CHSY3: variants seen among roughly 807,000 people sequenced by gnomAD.
CHSY3 encodes N-acetylgalactosaminyl-proteoglycan 3-beta-glucuronosyltransferase 3.
Under a neutral mutation model 67.2 loss-of-function variants are expected in CHSY3, and 35 were observed. The observed-to-expected ratio is 0.52, with a 90% confidence interval of 0.40 to 0.69. CHSY3 has a LOEUF of 0.69. CHSY3 is among the 30% of genes least tolerant of loss of function. The probability of loss-of-function intolerance (pLI) is 0.00; values close to 1 mark genes in which losing one functional copy is unlikely to be tolerated. For missense variants in CHSY3, 1,069 were observed against 1,138.5 expected (o/e 0.94, Z 0.88); for synonymous variants, 474 against 434.7 (o/e 1.09, Z -1.12).
rs1004167032 is a variant in CHSY3, at chr5:130,125,762, G to A, written c.1087-58467G>A. 2.4e-4 allele frequency among the ~76,000 whole-genome samples: 36 copies of A among 152,324 alleles called. 1 individual carries two copies. Among genetic ancestry groups the A allele is most frequent in the African/African-American group, 8.4e-4 (35 of 41,580 alleles). ...GATGGTGGCAAAACCGAAAGCAAAAGAGGTAAGTGATCCCAGAAAGCTGCT... is the reference window on the plus strand; with the variant it reads ...GATGGTGGCAAAACCGAAAGCAAAAAAGGTAAGTGATCCCAGAAAGCTGCT... On this transcript the variant is annotated intron_variant, in intron 2 of 2. Coordinates refer to ENST00000305031, the MANE Select transcript of CHSY3 (RefSeq NM_175856.5).
chr5:130,178,201 T>TTA (rs141612012), intron 2 of CHSY3, among the ~76,000 whole-genome samples: 1 of 113,934 alleles, frequency 8.8e-6, no homozygotes, highest in African/African-American at 3.6e-5. Flanking sequence ...ATATATATAT[T>TTA]TATATATATA....
At chr5:129,957,386 A>G (rs931545498) in intron 2 of CHSY3, among the ~76,000 whole-genome samples, 8 of 151,994 alleles carry the variant, frequency 5.3e-5, no homozygotes, top group African/African-American at 1.9e-4. Context: ...GGTTTTCTAG[A>G]TATGGAATTA....
At chr5:129,992,824 A>G (rs1325430589) in intron 2 of CHSY3, among the ~76,000 whole-genome samples, 1 of 152,188 alleles carries the variant, frequency 6.6e-6, no homozygotes, top group Non-Finnish European at 1.5e-5. Context: ...GTTTGAGGCA[A>G]TTTCCTTGCA....
chr5:129,968,216 T>C (rs1308243388), intron 2 of CHSY3, among the ~76,000 whole-genome samples: 1 of 151,818 alleles, frequency 6.6e-6, no homozygotes, highest in African/African-American at 2.4e-5. Flanking sequence ...CATCGATAAA[T>C]CCACACATAA....
chr5:130,014,737 C>G (rs906718310), intron 2 of CHSY3, among the ~76,000 whole-genome samples: 7 of 152,070 alleles, frequency 4.6e-5, no homozygotes, highest in African/African-American at 1.4e-4. Context: ...AATGAAAGAC[C>G]TAAAGCTTTA....
chr5:130,143,065 C>T (rs1768917543), intron 2 of CHSY3, among the ~76,000 whole-genome samples: 1 of 152,140 alleles, frequency 6.6e-6, no homozygotes, highest in Non-Finnish European at 1.5e-5. Flanking sequence ...CACCATAGCG[C>T]ATTGCTAGCA....
intron 2 of CHSY3, among the ~76,000 whole-genome samples, chr5:129,951,397 G>A (rs80086232): frequency 6.6e-6 from 1 of 152,076 alleles, no homozygotes; most frequent in Non-Finnish European, 1.5e-5. Flanking sequence ...AACACATGAG[G>A]CTACATCAAG....
intron 2 of CHSY3, among the ~76,000 whole-genome samples, chr5:129,933,080 A>C (rs1442021957): frequency 6.6e-6 from 1 of 152,160 alleles, no homozygotes; most frequent in South Asian, 2.1e-4. Context: ...AGTGATACAA[A>C]TATATAAAGC....
At chr5:130,095,293 A>C (rs1006584681) in intron 2 of CHSY3, among the ~76,000 whole-genome samples, 1 of 152,184 alleles carries the variant, frequency 6.6e-6, no homozygotes, top group African/African-American at 2.4e-5. Context: ...TCTGCAGTAA[A>C]AAATACTCGG....
intron 2 of CHSY3, chr5:130,140,310 A>C: frequency 4.1e-6 from 2 of 490,522 alleles, no homozygotes; most frequent in Non-Finnish European, 3.6e-6. Flanking sequence ...AGCCCTTCAT[A>C]GTGGTGAATA....
chr5:130,170,283 G>A (rs1376059679), intron 2 of CHSY3, among the ~76,000 whole-genome samples: 1 of 152,054 alleles, frequency 6.6e-6, no homozygotes, highest in Non-Finnish European at 1.5e-5. Flanking sequence ...ATGGCCTCCA[G>A]CTGCACCCAG....
At chr5:130,071,309 G>T (rs541517149) in intron 2 of CHSY3, among the ~76,000 whole-genome samples, 1 of 151,944 alleles carries the variant, frequency 6.6e-6, no homozygotes. Context: ...GGACTTTTAC[G>T]TTTATATGTT....
upstream of CHSY3, among the ~76,000 whole-genome samples, chr5:129,904,194 A>C: frequency 6.9e-6 from 1 of 145,520 alleles, no homozygotes; most frequent in South Asian, 2.2e-4. Context: ...GGAGGAGGGA[A>C]GAGGGGGCGT....
At chr5:129,997,695 T>A (rs1580630693) in intron 2 of CHSY3, among the ~76,000 whole-genome samples, 1 of 152,048 alleles carries the variant, frequency 6.6e-6, no homozygotes, top group Non-Finnish European at 1.5e-5. Context: ...GTGTGATGTT[T>A]CCCGCCCTGT....
At chr5:130,140,322 G>T in intron 2 of CHSY3, 1 of 514,606 alleles carries the variant, frequency 1.9e-6, no homozygotes, top group Non-Finnish European at 3.5e-6. Flanking sequence ...TGGTGAATAA[G>T]CACAACGTCC....
At chr5:130,157,702 C>A (rs556597163) in intron 2 of CHSY3, among the ~76,000 whole-genome samples, 70 of 151,946 alleles carry the variant, frequency 4.6e-4, no homozygotes, top group Non-Finnish European at 8.7e-4. Context: ...AGAAAGAATT[C>A]GAGGTGAATC....
At chr5:129,944,420 C>T (rs540395135) in intron 2 of CHSY3, among the ~76,000 whole-genome samples, 10 of 151,042 alleles carry the variant, frequency 6.6e-5, no homozygotes, top group South Asian at 2.1e-4. Context: ...GTTGGAGTTT[C>T]GCTCTGTCAG....
intron 2 of CHSY3, among the ~76,000 whole-genome samples, chr5:129,944,624 C>T (rs1430509348): frequency 1.3e-5 from 2 of 152,112 alleles, no homozygotes; most frequent in African/African-American, 2.4e-5. Flanking sequence ...TGAGCCACCG[C>T]GCCCAGCCCA....
intron 2 of CHSY3, among the ~76,000 whole-genome samples, chr5:130,124,384 T>C (rs1768187186): frequency 6.6e-6 from 1 of 152,068 alleles, no homozygotes; most frequent in Non-Finnish European, 1.5e-5. Context: ...GTCTGTAAAA[T>C]AGGGCAAACT....
Sources: gnomAD v4.1 joint callset for allele counts (sites outside exome capture counted in the v4.1 genomes callset) on GRCh38, gnomAD v4.1.1 for gene constraint, MANE v1.5 for transcripts, NCBI Gene and HGNC (gene_info 2026-07-23, HGNC 2026-07-21) for gene names.